Variants in PTPRG observed in about 807,000 individuals in gnomAD.
PTPRG encodes the protein protein tyrosine phosphatase receptor type G.
Under a neutral mutation model 165.3 loss-of-function variants are expected in PTPRG, and 102 were observed. The ratio of observed to expected loss-of-function variants is 0.62; its 90% CI spans 0.53 to 0.73. The LOEUF (loss-of-function observed/expected upper bound fraction) is 0.73. PTPRG is among the 30% of genes least tolerant of loss of function. The pLI, the probability that PTPRG is intolerant of heterozygous loss-of-function variation, is 0.00. For synonymous variants in PTPRG, 675 were observed against 669.5 expected, an observed-to-expected ratio of 1.01 and a Z score of -0.13; for missense variants, 1,866 against 1,861.4, an observed-to-expected ratio of 1.00 and a Z score of -0.05.
intron 7 of PTPRG, among the ~76,000 whole-genome samples, chr3:62,162,052 A>G (rs1163048182): frequency 6.6e-6 from 1 of 152,140 alleles, no homozygotes; most frequent in African/African-American, 2.4e-5. Flanking sequence ...AATGGCTCAT[A>G]ATTATATTAC....
intron 8 of PTPRG, among the ~76,000 whole-genome samples, chr3:62,178,105 G>A (rs1705499996): frequency 6.6e-6 from 1 of 151,952 alleles, no homozygotes; most frequent in Non-Finnish European, 1.5e-5. Context: ...ATAAGAGGAT[G>A]GATGGATGTG....
At chr3:61,909,706 T>C (rs530768624) in intron 2 of PTPRG, among the ~76,000 whole-genome samples, 131 of 152,270 alleles carry the variant, frequency 8.6e-4, no homozygotes, top group Admixed American at 2.6e-3. Context: ...TTTTAAAATC[T>C]GTAGGACTAT....
At chr3:61,890,021 C>A (rs567540264) in intron 2 of PTPRG, among the ~76,000 whole-genome samples, 1 of 152,304 alleles carries the variant, frequency 6.6e-6, no homozygotes, top group East Asian at 1.9e-4. Context: ...AGAGATTTTG[C>A]ACATAACTAT....
At chr3:61,951,857 C>G (rs1427816075) in intron 2 of PTPRG, among the ~76,000 whole-genome samples, 1 of 152,082 alleles carries the variant, frequency 6.6e-6, no homozygotes, top group African/African-American at 2.4e-5. Flanking sequence ...TGGTGGCTCA[C>G]GCCTGTAATC....
intron 7 of PTPRG, among the ~76,000 whole-genome samples, chr3:62,163,728 G>A (rs950119948): frequency 6.6e-6 from 1 of 152,156 alleles, no homozygotes; most frequent in Non-Finnish European, 1.5e-5. Context: ...TGTGTGCCAG[G>A]AATCATTCCA....
chr3:62,134,698 T>C (rs1703640877), intron 6 of PTPRG, among the ~76,000 whole-genome samples: 1 of 152,228 alleles, frequency 6.6e-6, no homozygotes, highest in Admixed American at 6.5e-5. Flanking sequence ...TTTTTGGTCA[T>C]ATATCAGCTT....
intron 28 of PTPRG, among the ~76,000 whole-genome samples, chr3:62,291,196 T>C (rs775954137): frequency 6.6e-6 from 1 of 152,122 alleles, no homozygotes; most frequent in African/African-American, 2.4e-5. Context: ...ACTCATCAGA[T>C]TGGCAAAAGT....
intron 2 of PTPRG, chr3:61,750,522 C>G (rs138244738): frequency 1.9e-4 from 29 of 152,248 alleles, no homozygotes; most frequent in Admixed American, 5.2e-4. Flanking sequence ...TTTTGTATTT[C>G]TGGAATGCAT....
intron 2 of PTPRG, among the ~76,000 whole-genome samples, chr3:61,777,629 G>C (rs1420859202): frequency 2.0e-5 from 3 of 152,292 alleles, no homozygotes; most frequent in African/African-American, 4.8e-5. Flanking sequence ...GAAAAGAGTG[G>C]TGTAAAGCCA....
intron 2 of PTPRG, among the ~76,000 whole-genome samples, chr3:61,843,549 C>T (rs1164625147): frequency 2.6e-5 from 4 of 152,038 alleles, no homozygotes; most frequent in Admixed American, 6.5e-5. Flanking sequence ...AAAATGATGA[C>T]TTAGGGTTGT....
chr3:62,232,753 A>G (rs1700934707), intron 14 of PTPRG, among the ~76,000 whole-genome samples: 1 of 152,238 alleles, frequency 6.6e-6, no homozygotes, highest in Non-Finnish European at 1.5e-5. Context: ...TCTGCTGCTC[A>G]GTGAAGGAAG....
rs751831635 is a variant in PTPRG, at chr3:62,219,270, G to C, written c.2288+287G>C. ...CAGATCCAAGCTCTGCTACTTGCTA[G>C]ATCCAAATCCCGTGTCCACTTTGAT... On this transcript the variant is annotated intron_variant, in intron 13 of 29. Coordinates refer to ENST00000474889, the MANE Select transcript of PTPRG (RefSeq NM_002841.4). This position sits in a 1 kb window ranked among gnomAD's most constrained non-coding sequence, Gnocchi z 4.5. 6.6e-6 allele frequency among the ~76,000 whole-genome samples: 1 copy of C among 152,208 alleles called. No individual in the cohort carries two copies. The highest frequency in any genetic ancestry group is 1.5e-5 in the Non-Finnish European group (1 of 68,040).
At chr3:61,698,686 T>C (rs1207724038) in intron 1 of PTPRG, among the ~76,000 whole-genome samples, 1 of 152,232 alleles carries the variant, frequency 6.6e-6, no homozygotes, top group African/African-American at 2.4e-5. Flanking sequence ...ATCATATCTG[T>C]GGATATTTAC....
Position 61,567,631 on chromosome 3 carries a change from A to G in PTPRG, c.85+5259A>G, listed in dbSNP as rs114074645. Among the ~76,000 whole-genome samples, 541 of 144,322 alleles carry G rather than the reference A, an allele frequency of 3.7e-3. 5 individuals carry two copies. The highest frequency in any genetic ancestry group is 0.013 in the African/African-American group (519 of 38,506). The allele number at this position is 144,322 out of a possible 152,430, so 94.7% of individuals were successfully genotyped here. A position where few individuals can be genotyped will look rare whatever the true frequency, so the allele number is the denominator to read the frequency against. ...CAGTGTACTGTGATCATGCCACTGC[A>G]CTCCAGCTTGAGTGACACAGTGAGA... On this transcript the variant is annotated intron_variant, in intron 1 of 29. Coordinates refer to ENST00000474889, the MANE Select transcript of PTPRG (RefSeq NM_002841.4).
chr3:61,930,369 G>C (rs931524241), intron 2 of PTPRG, among the ~76,000 whole-genome samples: 1 of 152,168 alleles, frequency 6.6e-6, no homozygotes, highest in Non-Finnish European at 1.5e-5. Context: ...ACAATTCCAC[G>C]TGGAAGAATG....
rs910167890 is a variant in PTPRG, at chr3:61,597,758, G to C, written c.85+35386G>C. ...CTTTGACAGATTTCTGTGAGCCACT[G>C]AATCACTTTATTTTTGCTAAATATT... On this transcript the variant is annotated intron_variant, in intron 1 of 29. Coordinates refer to ENST00000474889, the MANE Select transcript of PTPRG (RefSeq NM_002841.4). Among the ~76,000 whole-genome samples, 61 of 152,304 alleles carry C rather than the reference G, an allele frequency of 4.0e-4. 1 individual carries two copies. The highest frequency in any genetic ancestry group is 3.8e-3 in the Admixed American group (58 of 15,298).
intron 2 of PTPRG, among the ~76,000 whole-genome samples, chr3:61,819,361 A>G (rs2035887549): frequency 6.6e-6 from 1 of 152,176 alleles, no homozygotes; most frequent in African/African-American, 2.4e-5. Context: ...TCGGTAAATG[A>G]TTGCTAATTG....
At position 62,217,838 on chromosome 3, in the gene PTPRG, G is replaced by C. The variant is rs1700548467; in HGVS notation, c.2156-1013G>C. ...TCCTGGGGACTTCTGAAGACATTCA[G>C]GGCCTGGAGAGGTGGAGGAAGGAGC... On this transcript the variant is annotated intron_variant, in intron 12 of 29. Transcript: ENST00000474889. The surrounding 1 kb of genome is among the most constrained non-coding windows in gnomAD (Gnocchi z 4.3). 6.6e-6 allele frequency: 1 copy of C among 152,408 alleles called. No individual in the cohort carries two copies. The highest frequency in any genetic ancestry group is 2.4e-5 in the African/African-American group (1 of 41,456). 9.4% of individuals were successfully genotyped at this position (152,408 alleles called of 1,614,324 possible).
intron 4 of PTPRG, among the ~76,000 whole-genome samples, chr3:62,057,542 G>A (rs895026805): frequency 6.6e-6 from 1 of 152,138 alleles, no homozygotes; most frequent in African/African-American, 2.4e-5. Flanking sequence ...CAGTAATGTG[G>A]TTGTGTACAC....
Sources: allele counts gnomAD v4.1 joint callset (sites outside exome capture counted in the v4.1 genomes callset), GRCh38; gene constraint gnomAD v4.1.1; non-coding constraint Gnocchi (gnomAD v3.1); transcripts MANE v1.5; gene names NCBI Gene and HGNC (gene_info 2026-07-23, HGNC 2026-07-21).